Variants in SASH1 observed in about 807,000 individuals in gnomAD.
SASH1 encodes the protein SAM and SH3 domain-containing protein 1.
SASH1 carries 44 observed loss-of-function variants against 125.2 expected under a neutral mutation model. The observed-to-expected ratio is 0.35, with a 90% confidence interval of 0.28 to 0.45. The LOEUF (loss-of-function observed/expected upper bound fraction) is 0.45. Ranked by LOEUF, SASH1 falls within the 20% of genes least tolerant of loss-of-function variation. The probability of loss-of-function intolerance (pLI) is 1.00; values close to 1 mark genes in which losing one functional copy is unlikely to be tolerated. For missense variants in SASH1, 1,426 were observed against 1,614.5 expected (o/e 0.88, Z 2.00); for synonymous variants, 639 against 649.1 (o/e 0.98, Z 0.24).
chr6:148,550,001 G>C lies in SASH1; in HGVS notation c.*1443G>C, dbSNP rs1425885398. 1 of 153,190 alleles carries C rather than the reference G, an allele frequency of 6.5e-6. No individual in the cohort carries two copies. Among genetic ancestry groups the C allele is most frequent in the African/African-American group, 2.4e-5 (1 of 41,454 alleles). The allele number at this position is 153,190 out of a possible 1,614,324, so 9.5% of individuals were successfully genotyped here. A position where few individuals can be genotyped will look rare whatever the true frequency, so the allele number is the denominator to read the frequency against. ...ATTTTTGTATTATTAGTAGAGACAGGGTTTCACCATGTTGGCCAGGCTGGT... is the reference window on the plus strand; with the variant it reads ...ATTTTTGTATTATTAGTAGAGACAGCGTTTCACCATGTTGGCCAGGCTGGT... On this transcript the variant is annotated 3_prime_UTR_variant, in exon 20 of 20. Transcript: ENST00000367467.
At position 148,421,207 on chromosome 6, in the gene SASH1, AAG is replaced by A. The variant is rs1382813918; in HGVS notation, c.286-18975_286-18974del. Among the ~76,000 whole-genome samples the A allele has an allele frequency of 1.9e-4, 26 of 139,088 alleles. No individual in the cohort carries two copies. The East Asian group carries it at 2.0e-3, about 11-fold the overall frequency. The allele number at this position is 139,088 out of a possible 152,430, so 91.2% of individuals were successfully genotyped here. On this transcript the variant is annotated intron_variant, in intron 2 of 19. Coordinates refer to ENST00000367467, the MANE Select transcript of SASH1 (RefSeq NM_015278.5). ...AAAGAAAGAAAGAAAGAAAGAAAGA[AAG>A]AAAGAAAAAGAAAGAAAGAAGGAAG... is the stretch of plus-strand genomic sequence containing the variant.
chr6:148,332,199 GAA>G, intron 1 of SASH1, among the ~76,000 whole-genome samples: 1 of 148,652 alleles, frequency 6.7e-6, no homozygotes, highest in African/African-American at 2.5e-5. Flanking sequence ...ATTTGTGGGG[GAA>G]AAAAAAAATG....
upstream of SASH1, among the ~76,000 whole-genome samples, chr6:148,339,236 G>A (rs1260726396): frequency 6.6e-6 from 1 of 151,918 alleles, no homozygotes; most frequent in African/African-American, 2.4e-5. Context: ...TAGAGACGAG[G>A]TTTCACCATG....
intron 1 of SASH1, among the ~76,000 whole-genome samples, chr6:148,348,091 C>G (rs1290650943): frequency 6.6e-6 from 1 of 152,206 alleles, no homozygotes; most frequent in Non-Finnish European, 1.5e-5. Flanking sequence ...ACTGCAACCT[C>G]TGCCTCCCGA....
the SASH1 span, among the ~76,000 whole-genome samples, chr6:148,215,080 T>G: frequency 2.0e-5 from 3 of 152,202 alleles, no homozygotes; most frequent in South Asian, 2.1e-4. Context: ...GGGATCATCA[T>G]GGGAATTCTG....
the SASH1 span, among the ~76,000 whole-genome samples, chr6:148,209,979 A>G: frequency 6.6e-6 from 1 of 152,238 alleles, no homozygotes; most frequent in African/African-American, 2.4e-5. Flanking sequence ...AAAATTAAAC[A>G]TCAGACAGAA....
At chr6:148,309,033 A>C (rs1780222922) in intron 1 of SASH1, among the ~76,000 whole-genome samples, 1 of 142,156 alleles carries the variant, frequency 7.0e-6, no homozygotes, top group Admixed American at 7.7e-5. Context: ...GCAGTGAGCC[A>C]AGATTTCACC....
chr6:148,401,325 AC>A (rs1784162315), intron 2 of SASH1, among the ~76,000 whole-genome samples: 25 of 152,070 alleles, frequency 1.6e-4, no homozygotes, highest in Admixed American at 1.6e-3. Flanking sequence ...ATCAGGAAGG[AC>A]ACACACTAGC....
intron 4 of SASH1, among the ~76,000 whole-genome samples, chr6:148,450,799 G>A (rs1224960586): frequency 6.6e-6 from 1 of 151,540 alleles, no homozygotes; most frequent in Non-Finnish European, 1.5e-5. Context: ...CATTCTGAGT[G>A]TCATTATAGC....
At chr6:148,488,652 T>G (rs1361624683) in intron 8 of SASH1, among the ~76,000 whole-genome samples, 1 of 152,250 alleles carries the variant, frequency 6.6e-6, no homozygotes, top group African/African-American at 2.4e-5. Context: ...GCCTTTCTCA[T>G]CAACACTTGT....
chr6:148,528,827 A>G (rs977889131), intron 12 of SASH1, among the ~76,000 whole-genome samples: 1 of 152,210 alleles, frequency 6.6e-6, no homozygotes, highest in Middle Eastern at 3.4e-3. Context: ...CTTCATTTCT[A>G]TTGTTATTAC....
the SASH1 span, among the ~76,000 whole-genome samples, chr6:148,215,332 C>T: frequency 6.6e-6 from 1 of 152,156 alleles, no homozygotes; most frequent in East Asian, 1.9e-4. Context: ...TTAGTTTGGC[C>T]AAAGTGTGCA....
At chr6:148,271,839 T>C (rs898080230), upstream of SASH1, among the ~76,000 whole-genome samples, 3 of 152,314 alleles carry the variant, frequency 2.0e-5, no homozygotes, top group South Asian at 2.1e-4. Context: ...TTCCTTTTCT[T>C]GAGCCAAGAA....
At chr6:148,223,214 C>T in the SASH1 span, among the ~76,000 whole-genome samples, 1 of 152,216 alleles carries the variant, frequency 6.6e-6, no homozygotes, top group African/African-American at 2.4e-5. Flanking sequence ...CTCTAACTAA[C>T]TAGGTGGGCC....
chr6:148,346,236 G>A (rs2114644983), intron 1 of SASH1, among the ~76,000 whole-genome samples: 1 of 152,284 alleles, frequency 6.6e-6, no homozygotes, highest in South Asian at 2.1e-4. Context: ...TATTGCCCCA[G>A]AGTCATGGAT....
rs926264865 is a variant in SASH1 at position 148,545,947 on chromosome 6, TG to T, written c.3349-67del. 42 of 1,489,390 alleles carry T rather than the reference TG, an allele frequency of 2.8e-5. No individual in the cohort carries two copies. In the Middle Eastern group the frequency reaches 8.8e-4, roughly 31 times the overall value. The allele number at this position is 1,489,390 out of a possible 1,614,324, so 92.3% of individuals were successfully genotyped here. ...CAGTGAGACCCTACGTTATATGTGG[TG>T]TATCTTAGGGAAAGAAAAACAAAAT... On this transcript the variant is annotated intron_variant, in intron 18 of 19. Transcript: ENST00000367467.
intron 2 of SASH1, among the ~76,000 whole-genome samples, chr6:148,417,983 A>G (rs886247848): frequency 1.3e-5 from 2 of 152,110 alleles, no homozygotes; most frequent in African/African-American, 2.4e-5. Flanking sequence ...TGGCACATGT[A>G]CTCAATTTAT....
intron 1 of SASH1, among the ~76,000 whole-genome samples, chr6:148,379,590 GCCATCCATCCATCAAT>G (rs1365330855): frequency 6.6e-6 from 1 of 151,968 alleles, no homozygotes; most frequent in Non-Finnish European, 1.5e-5. Flanking sequence ...CAACTTTACT[GCCATCCATCCATCAAT>G]CCATCCATCC....
chr6:148,272,904 C>T (rs1182499672), intron 1 of SASH1, among the ~76,000 whole-genome samples: 1 of 152,074 alleles, frequency 6.6e-6, no homozygotes, highest in African/African-American at 2.4e-5. Context: ...CCGTCTTCGT[C>T]TTCTCTGTGG....
Sources: gnomAD v4.1 joint callset for allele counts (sites outside exome capture counted in the v4.1 genomes callset) on GRCh38, gnomAD v4.1.1 for gene constraint, MANE v1.5 for transcripts, NCBI Gene and HGNC (gene_info 2026-07-23, HGNC 2026-07-21) for gene names.